OR1J2: variants seen among roughly 807,000 people sequenced by gnomAD.
The protein encoded by OR1J2 is olfactory receptor 1J2.
For synonymous variants in OR1J2, 142 were observed against 99.7 expected (o/e 1.42, Z -2.52); for missense variants, 304 against 246.1 (o/e 1.24, Z -1.57).
the OR1J2 span, among the ~76,000 whole-genome samples, chr9:122,572,462 G>A: frequency 2.0e-5 from 3 of 152,064 alleles, no homozygotes; most frequent in Non-Finnish European, 1.5e-5. Context: ...TGCTTATCAC[G>A]GGGAAAAAGG....
At chr9:122,570,221 T>G in the OR1J2 span, among the ~76,000 whole-genome samples, 2 of 151,034 alleles carry the variant, frequency 1.3e-5, no homozygotes, top group Non-Finnish European at 2.9e-5. Flanking sequence ...GGTCAAATGG[T>G]ATTTCTAGTT....
chr9:122,503,863 G>A, the OR1J2 span, among the ~76,000 whole-genome samples: 1 of 152,152 alleles, frequency 6.6e-6, no homozygotes, highest in African/African-American at 2.4e-5. Flanking sequence ...GATCACAGTT[G>A]TTTAGAGCCA....
the OR1J2 span, among the ~76,000 whole-genome samples, chr9:122,464,711 G>A: frequency 6.6e-6 from 1 of 152,124 alleles, no homozygotes; most frequent in Non-Finnish European, 1.5e-5. Flanking sequence ...TGAGCCCTTG[G>A]CAATCTAAGC....
chr9:122,459,096 A>G, the OR1J2 span, among the ~76,000 whole-genome samples: 1 of 152,264 alleles, frequency 6.6e-6, no homozygotes, highest in South Asian at 2.1e-4. Context: ...CACTTAACAC[A>G]ATATCCTCCA....
At chr9:122,455,531 T>C in the OR1J2 span, among the ~76,000 whole-genome samples, 1 of 152,200 alleles carries the variant, frequency 6.6e-6, no homozygotes, top group Non-Finnish European at 1.5e-5. Context: ...TCTTTACCCA[T>C]TAAAACATTT....
At chr9:122,542,997 A>G in the OR1J2 span, among the ~76,000 whole-genome samples, 3 of 152,194 alleles carry the variant, frequency 2.0e-5, no homozygotes, top group Non-Finnish European at 4.4e-5. Context: ...CAATTTGTTT[A>G]TGCCTTTTAT....
chr9:122,483,168 G>A, the OR1J2 span, among the ~76,000 whole-genome samples: 4 of 152,100 alleles, frequency 2.6e-5, no homozygotes, highest in South Asian at 8.3e-4. Context: ...GATTTAAATC[G>A]TTCATCTATT....
At chr9:122,477,571 G>C in the OR1J2 span, 19 of 1,614,062 alleles carry the variant, frequency 1.2e-5, no homozygotes, top group Non-Finnish European at 1.4e-5. Flanking sequence ...CCTGTCATAT[G>C]CCATTGAAGT....
the OR1J2 span, among the ~76,000 whole-genome samples, chr9:122,481,355 T>C: frequency 6.6e-6 from 1 of 152,036 alleles, no homozygotes; most frequent in Non-Finnish European, 1.5e-5. Flanking sequence ...TTAAGTTTGA[T>C]AACATTAAAA....
the OR1J2 span, among the ~76,000 whole-genome samples, chr9:122,579,708 TAA>T: frequency 6.6e-6 from 1 of 152,220 alleles, no homozygotes; most frequent in Non-Finnish European, 1.5e-5. Context: ...ATTTCAGGAT[TAA>T]GTCTACATTT....
chr9:122,490,826 GC>G, the OR1J2 span, among the ~76,000 whole-genome samples: 1 of 152,196 alleles, frequency 6.6e-6, no homozygotes, highest in African/African-American at 2.4e-5. Flanking sequence ...GAAAGAAAGA[GC>G]CATGGAAGGA....
At chr9:122,551,015 A>G in the OR1J2 span, among the ~76,000 whole-genome samples, 1 of 151,376 alleles carries the variant, frequency 6.6e-6, no homozygotes, top group Non-Finnish European at 1.5e-5. Context: ...TACCTTAAAG[A>G]TTCCTCCAGA....
chr9:122,513,523 A>G (rs1828664181), downstream of OR1J2, among the ~76,000 whole-genome samples: 1 of 114,360 alleles, frequency 8.7e-6, no homozygotes, highest in Non-Finnish European at 1.7e-5. Context: ...TATTTTCACA[A>G]GCATTTTTTT....
chr9:122,499,910 G>A, the OR1J2 span, among the ~76,000 whole-genome samples: 5 of 152,314 alleles, frequency 3.3e-5, no homozygotes, highest in Admixed American at 3.3e-4. Flanking sequence ...AGGGCACCAA[G>A]CTGGCCTTGG....
chr9:122,546,820 AT>A, the OR1J2 span, among the ~76,000 whole-genome samples: 1 of 152,166 alleles, frequency 6.6e-6, no homozygotes, highest in Non-Finnish European at 1.5e-5. Context: ...TTTTAAACCT[AT>A]TTTTTAATGG....
At chr9:122,510,028 A>T (rs1057294241), upstream of OR1J2, among the ~76,000 whole-genome samples, 4 of 152,170 alleles carry the variant, frequency 2.6e-5, no homozygotes, top group Admixed American at 2.6e-4. Flanking sequence ...CAGGACAAAT[A>T]GCTAATGCAT....
At chr9:122,573,234 A>G in the OR1J2 span, among the ~76,000 whole-genome samples, 1 of 152,230 alleles carries the variant, frequency 6.6e-6, no homozygotes, top group African/African-American at 2.4e-5. Context: ...CAGAATGGAA[A>G]TAACAGTTAA....
At chr9:122,519,884 GT>G in the OR1J2 span, 4 of 1,614,146 alleles carry the variant, frequency 2.5e-6, no homozygotes, top group Non-Finnish European at 3.4e-6. Flanking sequence ...TCTCTGTGGT[GT>G]CTCTGTATTA....
At chr9:122,535,321 C>T in the OR1J2 span, among the ~76,000 whole-genome samples, 11 of 152,196 alleles carry the variant, frequency 7.2e-5, no homozygotes, top group African/African-American at 1.4e-4. Flanking sequence ...CCAAGGCCGG[C>T]GTCCCTGCGT....
Sources: allele counts gnomAD v4.1 joint callset (sites outside exome capture counted in the v4.1 genomes callset), GRCh38; gene constraint gnomAD v4.1.1; transcripts MANE v1.5; gene names NCBI Gene and HGNC (gene_info 2026-07-23, HGNC 2026-07-21).